Variants in KANSL1L observed in about 807,000 individuals in gnomAD.
The protein encoded by KANSL1L is KAT8 regulatory NSL complex subunit 1-like protein.
A neutral mutation model predicts 108.6 loss-of-function variants in KANSL1L; 25 were observed. The ratio of observed to expected loss-of-function variants is 0.23; its 90% CI spans 0.17 to 0.32. The LOEUF is 0.32. Ranked by LOEUF, KANSL1L falls within the 10% of genes least tolerant of loss-of-function variation. The pLI is 1.00. For missense variants in KANSL1L, 1,137 were observed against 1,125.7 expected (o/e 1.01, Z -0.14); for synonymous variants, 405 against 395.1 (o/e 1.03, Z -0.30).
At chr2:210,138,675 G>A (rs933460659) in intron 2 of KANSL1L, among the ~76,000 whole-genome samples, 5 of 152,112 alleles carry the variant, frequency 3.3e-5, no homozygotes, top group African/African-American at 1.2e-4. Context: ...ACACAATGCT[G>A]TCCTATATGT....
rs764466216 is a variant in KANSL1L, at chr2:210,025,225, A to G, written c.2452-9T>C. The G allele has an allele frequency of 2.0e-5, 29 of 1,452,040 alleles. No homozygotes were observed. Among genetic ancestry groups the G allele is most frequent in the Non-Finnish European group, 2.8e-5 (29 of 1,032,600 alleles). 89.9% of individuals were successfully genotyped at this position (1,452,040 alleles called of 1,614,324 possible). On this transcript the variant is annotated splice_polypyrimidine_tract_variant and intron_variant, in intron 12 of 14. Coordinates refer to ENST00000281772, the MANE Select transcript of KANSL1L (RefSeq NM_152519.4). ...TCAGAAAGATCTTCTATCTGGAATT[A>G]GAAATAAAGATTTTTGTTTTAATCA...
chr2:210,123,585 A>G (rs2095040627), intron 3 of KANSL1L, among the ~76,000 whole-genome samples: 1 of 152,096 alleles, frequency 6.6e-6, no homozygotes, highest in South Asian at 2.1e-4. Context: ...AATTAGAGAG[A>G]ATAAATAAGA....
intron 2 of KANSL1L, among the ~76,000 whole-genome samples, chr2:210,138,897 A>C (rs1339942466): frequency 6.6e-6 from 1 of 152,008 alleles, no homozygotes; most frequent in African/African-American, 2.4e-5. Flanking sequence ...TCAGGAGTTC[A>C]AGACCAGCCT....
At position 210,104,163 on chromosome 2, in the gene KANSL1L, G is replaced by C; in HGVS notation, c.1369C>G (p.Gln457Glu). The stretch of plus-strand genomic sequence containing the variant: ...CTGCTTGGTGACATTTCAAAATCTT[G>C]TTCCGGTACAGGATCTTGACACTCC... ...PQECQDPVPEQDFEMSPSSPT... is the reference protein window; with the variant it reads ...PQECQDPVPEEDFEMSPSSPT... The change falls in exon 4 of 15, where the codon CAA (glutamine) becomes GAA (glutamate). Residue 457 changes from glutamine to glutamate, a missense_variant. Gln to Glu is a conservative substitution (Grantham distance 29). Coordinates refer to ENST00000281772, the MANE Select transcript of KANSL1L (RefSeq NM_152519.4). The C allele has an allele frequency of 2.5e-6, 4 of 1,613,956 alleles. No homozygotes were observed. The highest frequency in any genetic ancestry group is 3.4e-6 in the Non-Finnish European group (4 of 1,179,904).
At chr2:210,068,474 G>A (rs769051910) in intron 6 of KANSL1L, among the ~76,000 whole-genome samples, 4 of 152,104 alleles carry the variant, frequency 2.6e-5, no homozygotes, top group Non-Finnish European at 2.9e-5. Context: ...CAAATTAGCA[G>A]TATTTTCTGA....
chr2:210,104,340 A>T, intron 3 of KANSL1L, 39 bp from the exon 4 acceptor site: 1 of 1,496,014 alleles, frequency 6.7e-7, no homozygotes, highest in Non-Finnish European at 9.3e-7. Flanking sequence ...ATGAAAACAA[A>T]CTTATTATTA....
At chr2:210,041,229 C>G (rs898785769) in intron 7 of KANSL1L, among the ~76,000 whole-genome samples, 1 of 152,108 alleles carries the variant, frequency 6.6e-6, no homozygotes, top group Non-Finnish European at 1.5e-5. Context: ...TTCACATTTA[C>G]TAAAGGTTTT....
chr2:210,167,761 G>C (rs930153282), intron 1 of KANSL1L, among the ~76,000 whole-genome samples: 1 of 151,856 alleles, frequency 6.6e-6, no homozygotes, highest in Admixed American at 6.5e-5. Context: ...GAATTTTCAC[G>C]TCCATACAGA....
chr2:210,056,890 G>C (rs2094357375), intron 6 of KANSL1L, among the ~76,000 whole-genome samples: 1 of 152,078 alleles, frequency 6.6e-6, no homozygotes, highest in South Asian at 2.1e-4. Context: ...TTAATTTAGA[G>C]CTGTCCCTGT....
Position 210,031,318 on chromosome 2 carries a change from G to C in KANSL1L, c.2155+103C>G, listed in dbSNP as rs2094012943. ...GACTCATAGATGTTTTGTGTTATTA[G>C]TGGCTGTTCTGGATTATAAACTCCC... On this transcript the variant is annotated intron_variant, in intron 9 of 14. Transcript: ENST00000281772. 26 of 729,842 alleles carry C rather than the reference G, an allele frequency of 3.6e-5. 1 individual carries two copies. The South Asian group carries it at 4.5e-4, about 13-fold the overall frequency. The allele number at this position is 729,842 out of a possible 1,614,324, so 45.2% of individuals were successfully genotyped here.
chr2:210,168,841 C>T (rs1260432907), intron 1 of KANSL1L, among the ~76,000 whole-genome samples: 7 of 152,036 alleles, frequency 4.6e-5, no homozygotes, highest in African/African-American at 1.7e-4. Context: ...TCCTGATCTT[C>T]CATAGATAAA....
At chr2:210,061,230 TTGTA>T (rs2094416677) in intron 6 of KANSL1L, among the ~76,000 whole-genome samples, 1 of 152,214 alleles carries the variant, frequency 6.6e-6, no homozygotes, top group Admixed American at 6.5e-5. Context: ...TATAAACAAT[TTGTA>T]TGTCCAATTA....
chr2:210,148,532 TCTTAA>T (rs1198939844), intron 2 of KANSL1L, among the ~76,000 whole-genome samples: 1 of 152,152 alleles, frequency 6.6e-6, no homozygotes, highest in Non-Finnish European at 1.5e-5. Context: ...AAGGACTATA[TCTTAA>T]ATCTACAAAA....
intron 1 of KANSL1L, among the ~76,000 whole-genome samples, chr2:210,165,485 T>C (rs1352426215): frequency 6.6e-6 from 1 of 152,120 alleles, no homozygotes; most frequent in Admixed American, 6.5e-5. Flanking sequence ...TTAAATTTGT[T>C]ATAAATAAAA....
At chr2:210,059,773 C>T (rs1278601455) in intron 6 of KANSL1L, among the ~76,000 whole-genome samples, 1 of 146,078 alleles carries the variant, frequency 6.8e-6, no homozygotes, top group Non-Finnish European at 1.5e-5. Context: ...ACTTAAGTAA[C>T]TTTTTTTTTT....
intron 6 of KANSL1L, among the ~76,000 whole-genome samples, chr2:210,057,612 A>C (rs1214542509): frequency 6.6e-6 from 1 of 152,162 alleles, no homozygotes; most frequent in Non-Finnish European, 1.5e-5. Context: ...GAGGCAGGAA[A>C]ATGGCATGAA....
chr2:210,052,865 T>C (rs1451996694), intron 6 of KANSL1L, among the ~76,000 whole-genome samples: 1 of 152,222 alleles, frequency 6.6e-6, no homozygotes, highest in East Asian at 1.9e-4. Context: ...TAGGCTATTC[T>C]AAATAGTTGT....
At chr2:210,037,666 G>GT (rs1455979821) in intron 8 of KANSL1L, among the ~76,000 whole-genome samples, 1 of 152,032 alleles carries the variant, frequency 6.6e-6, no homozygotes, top group Non-Finnish European at 1.5e-5. Context: ...AACCAATCTT[G>GT]TTTCATCTCT....
intron 5 of KANSL1L, among the ~76,000 whole-genome samples, chr2:210,080,579 G>A (rs1575491075): frequency 6.6e-6 from 1 of 152,018 alleles, no homozygotes; most frequent in Admixed American, 6.5e-5. Context: ...CTTGCTCCCC[G>A]CTTGAGCTAA....
Sources: allele counts gnomAD v4.1 joint callset (sites outside exome capture counted in the v4.1 genomes callset), GRCh38; gene constraint gnomAD v4.1.1; transcripts MANE v1.5; gene names NCBI Gene and HGNC (gene_info 2026-07-23, HGNC 2026-07-21).